ITGBL1: variants seen among roughly 807,000 people sequenced by gnomAD.
The protein encoded by ITGBL1 is integrin beta-like protein 1.
ITGBL1 carries 51 observed loss-of-function variants against 68.5 expected under a neutral mutation model. That is an observed-to-expected ratio of 0.74 (90% CI 0.59 to 0.94). The LOEUF is 0.94. Ranked by LOEUF, ITGBL1 falls within the 40% of genes least tolerant of loss-of-function variation. The probability of loss-of-function intolerance (pLI) is 0.00; values close to 1 mark genes in which losing one functional copy is unlikely to be tolerated. For synonymous variants in ITGBL1, 209 were observed against 227.3 expected, an observed-to-expected ratio of 0.92 and a Z score of 0.72; for missense variants, 649 against 647.4, an observed-to-expected ratio of 1.00 and a Z score of -0.03.
chr13:101,483,783 G>A (rs1468303744), intron 2 of ITGBL1, among the ~76,000 whole-genome samples: 1 of 151,924 alleles, frequency 6.6e-6, no homozygotes, highest in Non-Finnish European at 1.5e-5. Context: ...TAATCTGATT[G>A]TTATCACATA....
At chr13:101,459,429 T>G (rs2139618443) in intron 2 of ITGBL1, among the ~76,000 whole-genome samples, 1 of 152,328 alleles carries the variant, frequency 6.6e-6, no homozygotes, top group East Asian at 1.9e-4. Context: ...TTTATATACT[T>G]CTACATTTAT....
intron 7 of ITGBL1, among the ~76,000 whole-genome samples, chr13:101,639,848 TGAA>T (rs2032304351): frequency 6.6e-6 from 1 of 152,210 alleles, no homozygotes; most frequent in East Asian, 1.9e-4. Context: ...AGACAACACA[TGAA>T]GAAGTGAGTC....
chr13:101,705,960 A>G (rs1466157684), intron 8 of ITGBL1, among the ~76,000 whole-genome samples: 1 of 152,208 alleles, frequency 6.6e-6, no homozygotes, highest in Non-Finnish European at 1.5e-5. Flanking sequence ...GCTGTAAGGT[A>G]ATGCACATAT....
At chr13:101,675,298 T>A (rs540093743) in intron 7 of ITGBL1, among the ~76,000 whole-genome samples, 1 of 152,202 alleles carries the variant, frequency 6.6e-6, no homozygotes, top group Non-Finnish European at 1.5e-5. Flanking sequence ...ATTCTCTTTA[T>A]GTTCCATGTC....
chr13:101,639,716 T>C lies in ITGBL1; in HGVS notation c.1015+41417T>C, dbSNP rs563326297. 4.5e-4 allele frequency among the ~76,000 whole-genome samples: 68 copies of C among 152,298 alleles called. No homozygotes were observed. The South Asian group carries it at 0.012, about 26-fold the overall frequency. On this transcript the variant is annotated intron_variant, in intron 7 of 10. Coordinates refer to ENST00000376180, the MANE Select transcript of ITGBL1 (RefSeq NM_004791.3). ...GTTTCCAATTACAAACCATGTTTCA[T>C]TGGGTTCTCTCAGCATTTTAGTTTT...
intron 7 of ITGBL1, among the ~76,000 whole-genome samples, chr13:101,617,231 T>C (rs1029411705): frequency 1.3e-5 from 2 of 152,156 alleles, no homozygotes; most frequent in Non-Finnish European, 2.9e-5. Flanking sequence ...GTTTTATTTA[T>C]AGTTTTTGAT....
At chr13:101,519,345 C>T (rs1055576632) in intron 2 of ITGBL1, among the ~76,000 whole-genome samples, 3 of 152,030 alleles carry the variant, frequency 2.0e-5, no homozygotes, top group Admixed American at 6.6e-5. Flanking sequence ...TTGAAATAAG[C>T]GTAGTGCAAA....
intron 7 of ITGBL1, among the ~76,000 whole-genome samples, chr13:101,641,738 G>C (rs1163773453): frequency 8.7e-6 from 1 of 115,286 alleles, no homozygotes; most frequent in Non-Finnish European, 1.7e-5. Flanking sequence ...GCAGTCCCCA[G>C]AGTGTGATGT....
intron 6 of ITGBL1, among the ~76,000 whole-genome samples, chr13:101,593,594 A>C (rs1594912203): frequency 1.3e-5 from 2 of 152,276 alleles, no homozygotes; most frequent in Non-Finnish European, 2.9e-5. Context: ...CATAAAAAGA[A>C]AGAAATCCTG....
chr13:101,537,791 A>C (rs1305000279), intron 2 of ITGBL1, among the ~76,000 whole-genome samples: 1 of 152,002 alleles, frequency 6.6e-6, no homozygotes, highest in African/African-American at 2.4e-5. Flanking sequence ...CTATATCTTT[A>C]GCTTTGTTTA....
In ITGBL1 at chr13:101,452,720, C is replaced by T. The variant is rs2048181292; in HGVS notation, c.-114C>T. On this transcript the variant is annotated 5_prime_UTR_variant, in exon 1 of 11. Transcript: ENST00000376180. ...CCCCGGACCTGCAAGCCTGGGTGTC[C>T]GTGGGTCCGTCTGCCCAGCCATCTG... is the stretch of plus-strand genomic sequence containing the variant. 1 of 789,478 alleles carries T rather than the reference C, an allele frequency of 1.3e-6. No individual in the cohort carries two copies. Among genetic ancestry groups the T allele is most frequent in the Non-Finnish European group, 2.2e-6 (1 of 454,362 alleles). The allele number at this position is 789,478 out of a possible 1,614,324, so 48.9% of individuals were successfully genotyped here.
At chr13:101,662,003 G>A (rs1359737308) in intron 7 of ITGBL1, among the ~76,000 whole-genome samples, 3 of 152,092 alleles carry the variant, frequency 2.0e-5, no homozygotes, top group Non-Finnish European at 2.9e-5. Flanking sequence ...AGTAATCAGG[G>A]TTCCTCCAAC....
chr13:101,703,414 A>T (rs1340631323), intron 8 of ITGBL1, among the ~76,000 whole-genome samples: 3 of 152,224 alleles, frequency 2.0e-5, no homozygotes, highest in Non-Finnish European at 4.4e-5. Flanking sequence ...AAGGGAGAAG[A>T]GAAGGAATAC....
chr13:101,535,530 CCT>C (rs2049558943), intron 2 of ITGBL1, among the ~76,000 whole-genome samples: 1 of 152,110 alleles, frequency 6.6e-6, no homozygotes, highest in Non-Finnish European at 1.5e-5. Context: ...TTCTAAAATT[CCT>C]CTGACTTGAG....
intron 8 of ITGBL1, among the ~76,000 whole-genome samples, chr13:101,698,520 C>T (rs2034055256): frequency 6.6e-6 from 1 of 152,150 alleles, no homozygotes; most frequent in Non-Finnish European, 1.5e-5. Context: ...GAAAGAAAAT[C>T]AGCATGAAGT....
chr13:101,476,511 G>C (rs992578887), intron 2 of ITGBL1, among the ~76,000 whole-genome samples: 14 of 151,896 alleles, frequency 9.2e-5, no homozygotes, highest in Non-Finnish European at 1.6e-4. Context: ...GAATATAAAT[G>C]GACTAAACTC....
rs190910914 is a variant in ITGBL1, at chr13:101,573,186, G to A, written c.464-2238G>A. ...AATAAATGTGAAAATGAAAAAGAAGGGTGATAATTAGAGAACAAAAACTAG... is the reference window on the plus strand; with the variant it reads ...AATAAATGTGAAAATGAAAAAGAAGAGTGATAATTAGAGAACAAAAACTAG... On this transcript the variant is annotated intron_variant, in intron 3 of 10. Transcript: ENST00000376180. Among the ~76,000 whole-genome samples, 298 of 152,038 alleles carry A rather than the reference G, an allele frequency of 2.0e-3. 1 individual carries two copies. Among genetic ancestry groups the A allele is most frequent in the African/African-American group, 7.0e-3 (289 of 41,484 alleles).
intron 2 of ITGBL1, among the ~76,000 whole-genome samples, chr13:101,471,560 GTGTGTGTGTA>G (rs1566689245): frequency 2.1e-4 from 28 of 132,006 alleles, no homozygotes; most frequent in South Asian, 7.5e-4. Flanking sequence ...GTGTGTGTGT[GTGTGTGTGTA>G]TATATATTTC....
intron 2 of ITGBL1, among the ~76,000 whole-genome samples, chr13:101,516,165 T>C (rs2049192125): frequency 1.3e-5 from 2 of 152,168 alleles, no homozygotes; most frequent in Admixed American, 1.3e-4. Flanking sequence ...TTTATTGAAA[T>C]AGTTTTAAAG....
Sources: gnomAD v4.1 joint callset for allele counts (sites outside exome capture counted in the v4.1 genomes callset) on GRCh38, gnomAD v4.1.1 for gene constraint, MANE v1.5 for transcripts, NCBI Gene and HGNC (gene_info 2026-07-23, HGNC 2026-07-21) for gene names.